The following CCDC15 variants were observed in gnomAD, a reference collection of about 807,000 sequenced individuals.
The protein encoded by CCDC15 is coiled-coil domain containing 15, also known as coiled-coil domain-containing protein 15.
CCDC15 carries 105 observed loss-of-function variants against 114.5 expected under a neutral mutation model. The observed-to-expected ratio is 0.92, with a 90% CI of 0.78 to 1.08. The LOEUF (loss-of-function observed/expected upper bound fraction) is 1.08. Ranked by LOEUF, CCDC15 falls within the 50% of genes least tolerant of loss-of-function variation. CCDC15 has a pLI of 0.00. For missense variants in CCDC15, 1,105 were observed against 1,093.6 expected, an observed-to-expected ratio of 1.01 and a Z score of -0.15; for synonymous variants, 334 against 377.8, an observed-to-expected ratio of 0.88 and a Z score of 1.34.
chr11:124,958,410 G>A (rs1374324333), intron 2 of CCDC15, among the ~76,000 whole-genome samples: 2 of 151,326 alleles, frequency 1.3e-5, no homozygotes, highest in East Asian at 1.9e-4. Flanking sequence ...TGTATTTTAT[G>A]TGACAGTTCT....
intron 6 of CCDC15, among the ~76,000 whole-genome samples, chr11:124,978,966 A>G (rs543332320): frequency 6.6e-6 from 1 of 152,038 alleles, no homozygotes; most frequent in Admixed American, 6.6e-5. Flanking sequence ...TCTTGAGTTG[A>G]TTTTTATATA....
chr11:125,038,263 G>A, intron 13 of CCDC15, 168 bp from the exon 14 acceptor site: 1 of 485,258 alleles, frequency 2.1e-6, no homozygotes, highest in Non-Finnish European at 3.6e-6. Context: ...TTTCTCTTTG[G>A]GAGGAGATAA....
chr11:124,977,086 G>A (rs1947986002), intron 5 of CCDC15, among the ~76,000 whole-genome samples: 1 of 152,002 alleles, frequency 6.6e-6, no homozygotes. Context: ...TTGAACCCTG[G>A]TTTTATTTCA....
intron 6 of CCDC15, among the ~76,000 whole-genome samples, chr11:124,982,538 A>G (rs1342138393): frequency 6.6e-6 from 1 of 152,092 alleles, no homozygotes; most frequent in Non-Finnish European, 1.5e-5. Flanking sequence ...TTTCTTCTTC[A>G]CTTATGAAGC....
intron 13 of CCDC15, among the ~76,000 whole-genome samples, chr11:125,011,472 G>A (rs1482346376): frequency 1.5e-4 from 23 of 151,836 alleles, no homozygotes; most frequent in Non-Finnish European, 5.9e-5. Flanking sequence ...TCCTGACCTC[G>A]TGATCCACCC....
intron 11 of CCDC15, among the ~76,000 whole-genome samples, chr11:124,993,677 A>C (rs963513048): frequency 6.6e-6 from 1 of 152,206 alleles, no homozygotes. Flanking sequence ...GCCAGAGAGC[A>C]GGTAGAGCAG....
chr11:124,977,137 T>C (rs1410027950), intron 5 of CCDC15, among the ~76,000 whole-genome samples: 2 of 152,146 alleles, frequency 1.3e-5, no homozygotes, highest in Non-Finnish European at 2.9e-5. Context: ...CTGGTTGTTA[T>C]TGATCCGGAT....
intron 11 of CCDC15, among the ~76,000 whole-genome samples, chr11:124,995,031 T>C (rs1383061742): frequency 6.6e-6 from 1 of 152,112 alleles, no homozygotes; most frequent in Non-Finnish European, 1.5e-5. Context: ...CTGCAACTCT[T>C]GGTGATTTTT....
intron 13 of CCDC15, among the ~76,000 whole-genome samples, chr11:125,018,011 GTTAAT>G (rs1565380441): frequency 1.3e-5 from 2 of 152,022 alleles, no homozygotes; most frequent in African/African-American, 4.8e-5. Flanking sequence ...GTAAGCTGAG[GTTAAT>G]TTATTATTGA....
chr11:125,035,524 C>T (rs909382924), intron 13 of CCDC15, among the ~76,000 whole-genome samples: 8 of 151,218 alleles, frequency 5.3e-5, no homozygotes, highest in Admixed American at 4.6e-4. Context: ...ATTTTGTAAC[C>T]TATTCAGCCA....
intron 11 of CCDC15, among the ~76,000 whole-genome samples, chr11:125,002,505 G>A (rs982061214): frequency 2.0e-5 from 3 of 152,018 alleles, no homozygotes; most frequent in East Asian, 1.9e-4. Context: ...ACTCCTATGC[G>A]TTCCTCTAAG....
intron 11 of CCDC15, among the ~76,000 whole-genome samples, chr11:125,001,079 A>T (rs763970814): frequency 6.6e-5 from 10 of 152,234 alleles, no homozygotes; most frequent in Non-Finnish European, 1.3e-4. Context: ...TTTTGTGCTT[A>T]GTAATAATAG....
At chr11:125,034,234 A>C (rs931577500) in intron 13 of CCDC15, among the ~76,000 whole-genome samples, 1 of 152,168 alleles carries the variant, frequency 6.6e-6, no homozygotes, top group Non-Finnish European at 1.5e-5. Flanking sequence ...GGCAAAAAAA[A>C]TTCATCAGAG....
intron 4 of CCDC15, among the ~76,000 whole-genome samples, chr11:124,964,388 T>C (rs1021796757): frequency 5.3e-5 from 8 of 152,200 alleles, no homozygotes; most frequent in Admixed American, 2.0e-4. Context: ...TTCCTAGGTA[T>C]TTTATTCTCT....
chr11:125,011,678 T>A (rs1196806262), intron 13 of CCDC15, among the ~76,000 whole-genome samples: 1 of 152,244 alleles, frequency 6.6e-6, no homozygotes, highest in Non-Finnish European at 1.5e-5. Flanking sequence ...GTGGGATAAC[T>A]GATTTAAGCC....
chr11:124,984,121 G>A (rs2135476454), intron 6 of CCDC15, among the ~76,000 whole-genome samples: 1 of 152,260 alleles, frequency 6.6e-6, no homozygotes, highest in East Asian at 1.9e-4. Context: ...GGCATGGTGG[G>A]ATGCATGCAC....
intron 8 of CCDC15, among the ~76,000 whole-genome samples, chr11:124,990,558 A>G (rs1948250302): frequency 6.6e-6 from 1 of 152,230 alleles, no homozygotes; most frequent in South Asian, 2.1e-4. Flanking sequence ...CCTGATTTGG[A>G]GATCCATACT....
At chr11:124,983,481 G>C (rs1477183979) in intron 6 of CCDC15, among the ~76,000 whole-genome samples, 2 of 151,852 alleles carry the variant, frequency 1.3e-5, no homozygotes, top group Admixed American at 6.6e-5. Context: ...TGATGTCCTT[G>C]GGGGTTTGAT....
chr11:125,027,562 C>T (rs888968171), intron 13 of CCDC15, among the ~76,000 whole-genome samples: 6 of 150,990 alleles, frequency 4.0e-5, no homozygotes, highest in African/African-American at 1.2e-4. Context: ...AATTCATGCC[C>T]TTTGCCCGCT....
Sources: gnomAD v4.1 joint callset for allele counts (sites outside exome capture counted in the v4.1 genomes callset) on GRCh38, gnomAD v4.1.1 for gene constraint, MANE v1.5 for transcripts, NCBI Gene and HGNC (gene_info 2026-07-23, HGNC 2026-07-21) for gene names.